Variants in MTAP observed in about 807,000 individuals in gnomAD.
MTAP encodes S-methyl-5'-thioadenosine phosphorylase.
A neutral mutation model predicts 33.6 loss-of-function variants in MTAP; 33 were observed. That is an observed-to-expected ratio of 0.98 (90% CI 0.74 to 1.31). MTAP has a LOEUF of 1.31. MTAP is among the 40% of genes most tolerant of loss of function. The pLI is 0.00. For synonymous variants in MTAP, 148 were observed against 125.7 expected (o/e 1.18, Z -1.19); for missense variants, 367 against 360.0 (o/e 1.02, Z -0.16).
In MTAP at chr9:21,846,188, G is replaced by A. The variant is rs7023016; in HGVS notation, c.450+8178G>A. ...AATAACATCGGAAAAACCTATCTAGGCCTTGGCTTAGGCAAAGAGTTCATG... is the reference window on the plus strand; with the variant it reads ...AATAACATCGGAAAAACCTATCTAGACCTTGGCTTAGGCAAAGAGTTCATG... On this transcript the variant is annotated intron_variant, in intron 5 of 7. Transcript: ENST00000644715. Among the ~76,000 whole-genome samples the A allele has an allele frequency of 3.6e-3, 544 of 152,160 alleles. 4 individuals carry two copies. The highest frequency in any genetic ancestry group is 0.012 in the African/African-American group (517 of 41,506).
At chr9:21,884,955 G>A (rs907687745) in intron 1 of MTAP, among the ~76,000 whole-genome samples, 1 of 152,046 alleles carries the variant, frequency 6.6e-6, no homozygotes, top group Non-Finnish European at 1.5e-5. Flanking sequence ...ATAAAATTCA[G>A]GATTTTACTA....
At chr9:21,873,593 C>T (rs1825964318) in intron 1 of MTAP, among the ~76,000 whole-genome samples, 1 of 144,132 alleles carries the variant, frequency 6.9e-6, no homozygotes, top group African/African-American at 2.7e-5. Flanking sequence ...GTGCCTTGAT[C>T]TTGGACTTCC....
chr9:21,892,512 A>T (rs1011906404), intron 1 of MTAP: 3 of 150,066 alleles, frequency 2.0e-5, no homozygotes, highest in Admixed American at 6.6e-5. Context: ...CAACAATGAT[A>T]AAAAAAGACA....
chr9:21,918,049 A>G (rs1818718886), intron 1 of MTAP, among the ~76,000 whole-genome samples: 1 of 151,766 alleles, frequency 6.6e-6, no homozygotes, highest in African/African-American at 2.4e-5. Context: ...TAAGGATGCA[A>G]AGGCATAAGA....
At chr9:21,917,379 AG>A (rs1818707900) in intron 1 of MTAP, among the ~76,000 whole-genome samples, 1 of 152,232 alleles carries the variant, frequency 6.6e-6, no homozygotes, top group South Asian at 2.1e-4. Flanking sequence ...CAGAGACGAA[AG>A]CAAGGCCTAC....
Position 21,862,159 on chromosome 9 carries a change from A to T in MTAP, c.*145A>T. The T allele has an allele frequency of 6.7e-7, 1 of 1,498,664 alleles. No homozygotes were observed. The highest frequency in any genetic ancestry group is 8.9e-7 in the Non-Finnish European group (1 of 1,127,572). The allele number at this position is 1,498,664 out of a possible 1,614,324, so 92.8% of individuals were successfully genotyped here. ...GAGTATGTTGTAAGAAAGACAAGAC[A>T]TTGTGTGTATTAGAGACTCCTGAAT... On this transcript the variant is annotated 3_prime_UTR_variant, in exon 8 of 8. Coordinates refer to ENST00000644715, the MANE Select transcript of MTAP (RefSeq NM_002451.4).
rs928512236 is a variant in MTAP, at chr9:21,818,911, A to G, written c.347+709A>G. Among the ~76,000 whole-genome samples, 4 of 152,132 alleles carry G rather than the reference A, an allele frequency of 2.6e-5. No homozygotes were observed. The South Asian group carries it at 6.2e-4, about 24-fold the overall frequency. On this transcript the variant is annotated intron_variant, in intron 4 of 7. Coordinates refer to ENST00000644715, the MANE Select transcript of MTAP (RefSeq NM_002451.4). ...TAACTGAAATTTTGTGCTTTGATCAACGTCTCCCCAAACCCCAGCCCCTGG... is the reference window on the plus strand; with the variant it reads ...TAACTGAAATTTTGTGCTTTGATCAGCGTCTCCCCAAACCCCAGCCCCTGG...
chr9:21,913,902 A>G (rs1274949279), intron 1 of MTAP, among the ~76,000 whole-genome samples: 1 of 152,266 alleles, frequency 6.6e-6, no homozygotes, highest in East Asian at 1.9e-4. Flanking sequence ...GCTAATATCC[A>G]GAATCCACAA....
chr9:21,871,835 T>C (rs1825942612), downstream of MTAP, among the ~76,000 whole-genome samples: 1 of 152,144 alleles, frequency 6.6e-6, no homozygotes, highest in Non-Finnish European at 1.5e-5. Context: ...CCTCCCCAGA[T>C]AGTGAAAACT....
intron 5 of MTAP, among the ~76,000 whole-genome samples, chr9:21,846,281 G>A (rs1348740252): frequency 6.6e-6 from 1 of 152,078 alleles, no homozygotes; most frequent in African/African-American, 2.4e-5. Flanking sequence ...CATCTAAAAT[G>A]CTTCAGCACA....
At chr9:21,827,927 A>T (rs910696951) in intron 4 of MTAP, among the ~76,000 whole-genome samples, 10 of 152,272 alleles carry the variant, frequency 6.6e-5, no homozygotes, top group Non-Finnish European at 8.8e-5. Flanking sequence ...ATAAAGTATT[A>T]CAGATGATAC....
downstream of MTAP, among the ~76,000 whole-genome samples, chr9:21,940,049 G>A (rs1040655294): frequency 2.0e-5 from 3 of 152,160 alleles, no homozygotes; most frequent in East Asian, 1.9e-4. Flanking sequence ...GGGAGGCCGA[G>A]GCAGGTGGAT....
chr9:21,931,334 A>G (rs1264846036), downstream of MTAP: 2 of 568,544 alleles, frequency 3.5e-6, no homozygotes, highest in Non-Finnish European at 6.3e-6. Context: ...TAGAGTAGGT[A>G]ATTAGGCAGA....
Position 21,863,920 on chromosome 9 carries a change from G to C in MTAP, c.*1906G>C. On this transcript the variant is annotated 3_prime_UTR_variant, in exon 8 of 8. Transcript: ENST00000644715. The stretch of plus-strand genomic sequence containing the variant: ...TATGATTATGACCCTTGGACTTCCT[G>C]ATGTAGTATTAAATTTCAACTCTGG... The C allele has an allele frequency of 2.0e-6, 2 of 985,768 alleles. No individual in the cohort carries two copies. The highest frequency in any genetic ancestry group is 2.4e-6 in the Non-Finnish European group (2 of 829,924). 61.1% of individuals were successfully genotyped at this position (985,768 alleles called of 1,614,324 possible). A position where few individuals can be genotyped will look rare whatever the true frequency, so the allele number is the denominator to read the frequency against.
At chr9:21,855,167 A>G (rs1269522540) in intron 6 of MTAP, among the ~76,000 whole-genome samples, 2 of 152,164 alleles carry the variant, frequency 1.3e-5, no homozygotes, top group Non-Finnish European at 1.5e-5. Flanking sequence ...TTGATTGCCA[A>G]TTTCTGCTGC....
chr9:21,919,560 T>C (rs1295601943), intron 1 of MTAP, among the ~76,000 whole-genome samples: 1 of 152,242 alleles, frequency 6.6e-6, no homozygotes, highest in Non-Finnish European at 1.5e-5. Context: ...ACCAGGGTTT[T>C]GGTTTTGCCA....
chr9:21,914,048 C>A (rs928979455), intron 1 of MTAP, among the ~76,000 whole-genome samples: 89 of 152,300 alleles, frequency 5.8e-4, no homozygotes, highest in African/African-American at 2.1e-3. Flanking sequence ...CATCACTGGC[C>A]ATCAGAGAAA....
At chr9:21,867,268 G>C (rs1040304413), downstream of MTAP, among the ~76,000 whole-genome samples, 2 of 152,156 alleles carry the variant, frequency 1.3e-5, no homozygotes, top group Non-Finnish European at 2.9e-5. Flanking sequence ...CTCAACAGCA[G>C]AGGATAGCGT....
At chr9:21,851,947 G>T (rs985310101) in intron 5 of MTAP, among the ~76,000 whole-genome samples, 1 of 152,158 alleles carries the variant, frequency 6.6e-6, no homozygotes, top group African/African-American at 2.4e-5. Flanking sequence ...TCCTCAGCCT[G>T]CAGATGGCCC....
Sources: gnomAD v4.1 joint callset for allele counts (sites outside exome capture counted in the v4.1 genomes callset) on GRCh38, gnomAD v4.1.1 for gene constraint, MANE v1.5 for transcripts, NCBI Gene and HGNC (gene_info 2026-07-23, HGNC 2026-07-21) for gene names.